The following PCDHA1 variants were observed in gnomAD, a reference collection of about 807,000 sequenced individuals.
PCDHA1 encodes the protein protocadherin alpha 1.
Under a neutral mutation model 61.3 loss-of-function variants are expected in PCDHA1, and 42 were observed. That is an observed-to-expected ratio of 0.69 (90% confidence interval 0.54 to 0.89). PCDHA1 has a LOEUF of 0.89. Among genes scored for constraint, PCDHA1 ranks in the 40% least tolerant of loss-of-function variants. PCDHA1 has a pLI of 0.00. For synonymous variants in PCDHA1, 610 were observed against 553.8 expected (o/e 1.10, Z -1.43); for missense variants, 1,256 against 1,235.3 (o/e 1.02, Z -0.25).
At chr5:140,789,714 C>G (rs6898906) in intron 1 of PCDHA1, among the ~76,000 whole-genome samples, 78,303 of 151,838 alleles carry the variant, frequency 0.52, 20,392 homozygotes, top group Middle Eastern at 0.64. Flanking sequence ...GTTCTAAAAC[C>G]CTTTACTTTT....
At chr5:140,822,680 A>C (rs2150118519) in intron 1 of PCDHA1, 2 of 1,609,870 alleles carry the variant, frequency 1.2e-6, no homozygotes, top group Non-Finnish European at 1.7e-6. Flanking sequence ...GGTGAAATAA[A>C]AGTTAACGGG....
chr5:140,916,957 T>C (rs1478651535), intron 1 of PCDHA1, among the ~76,000 whole-genome samples: 1 of 152,224 alleles, frequency 6.6e-6, no homozygotes, highest in African/African-American at 2.4e-5. Context: ...TGCTGAGTTC[T>C]GACTGCTGGG....
chr5:140,799,629 T>C (rs1447232390), intron 1 of PCDHA1, among the ~76,000 whole-genome samples: 2 of 152,090 alleles, frequency 1.3e-5, no homozygotes, highest in Non-Finnish European at 2.9e-5. Context: ...AAAAAGTTAA[T>C]TCAAAATATT....
At chr5:140,927,556 A>G (rs1428283255) in intron 1 of PCDHA1, 15 of 1,614,022 alleles carry the variant, frequency 9.3e-6, no homozygotes, top group African/African-American at 1.3e-5. Flanking sequence ...AGTCACCATC[A>G]TTGTGGTGGA....
At position 140,788,229 on chromosome 5, in the gene PCDHA1, C is replaced by T. The variant is rs150375083; in HGVS notation, c.1939C>T (p.Leu647Phe). 16 of 1,614,062 alleles carry T rather than the reference C, an allele frequency of 9.9e-6. No individual in the cohort carries two copies. The African/African-American group carries it at 2.0e-4, about 20-fold the overall frequency. Residue 647 changes from leucine to phenylalanine, a missense_variant, in exon 1 of 4, where the codon CTT becomes TTT. Transcript: ENST00000504120. Reference protein sequence around the residue: ...LDEADLSRYRLLVLVKDHGEP... With the variant: ...LDEADLSRYRFLVLVKDHGEP... ...CGAGGCTGACTTGTCGCGCTACCGC[C>T]TTCTGGTGCTAGTGAAGGATCACGG...
chr5:140,871,565 G>T, intron 1 of PCDHA1: 2 of 1,483,114 alleles, frequency 1.3e-6, no homozygotes, highest in South Asian at 2.7e-5. Context: ...TTTTTTTCAC[G>T]GATTTTTTAA....
chr5:140,830,469 A>C (rs2150186918), intron 1 of PCDHA1: 5 of 1,570,612 alleles, frequency 3.2e-6, no homozygotes, highest in Non-Finnish European at 8.7e-7. Flanking sequence ...GATTTAAATG[A>C]AGATCATGAT....
intron 1 of PCDHA1, chr5:140,865,908 T>A (rs1023181309): frequency 2.6e-5 from 4 of 152,274 alleles, no homozygotes; most frequent in African/African-American, 9.6e-5. Flanking sequence ...GGCAAATCTT[T>A]CTTTCTGTTG....
intron 1 of PCDHA1, among the ~76,000 whole-genome samples, chr5:140,902,333 T>C (rs1248113110): frequency 6.6e-6 from 1 of 151,758 alleles, no homozygotes; most frequent in Non-Finnish European, 1.5e-5. Context: ...TCACTTCGCC[T>C]GGCCTAGGAA....
Position 140,843,501 on chromosome 5 carries a change from C to T in PCDHA1, c.2394+54817C>T, listed in dbSNP as rs2150361276. The stretch of plus-strand genomic sequence containing the variant: ...ACTGCGCTGCGGTGCTCAGCACTGC[C>T]CACTGAGGGCGGGTGCCGGGCGGGC... On this transcript the variant is annotated intron_variant, in intron 1 of 3. Coordinates refer to ENST00000504120, the MANE Select transcript of PCDHA1 (RefSeq NM_018900.4). 8.1e-6 allele frequency: 13 copies of T among 1,595,862 alleles called. 1 individual carries two copies. Among genetic ancestry groups the T allele is most frequent in the East Asian group, 2.2e-5 (1 of 44,830 alleles).
At chr5:140,862,451 C>A (rs1554156361) in intron 1 of PCDHA1, 4 of 365,784 alleles carry the variant, frequency 1.1e-5, no homozygotes, top group African/African-American at 2.1e-5. Flanking sequence ...TCCACAGCGC[C>A]CTGGACCAAG....
chr5:140,975,527 A>G (rs782267941), intron 1 of PCDHA1, among the ~76,000 whole-genome samples: 2 of 152,220 alleles, frequency 1.3e-5, no homozygotes, highest in Non-Finnish European at 2.9e-5. Context: ...CAGTGGATAT[A>G]TTCTTAATAC....
chr5:140,910,661 A>G (rs1289499574), intron 1 of PCDHA1, among the ~76,000 whole-genome samples: 1 of 152,186 alleles, frequency 6.6e-6, no homozygotes, highest in Non-Finnish European at 1.5e-5. Context: ...CTTCCTCTAC[A>G]TTAAACCAAG....
chr5:140,846,727 C>T (rs2150394030), intron 1 of PCDHA1, among the ~76,000 whole-genome samples: 16 of 149,262 alleles, frequency 1.1e-4, no homozygotes, highest in Non-Finnish European at 1.2e-4. Context: ...CTTCATTAAA[C>T]ATTAAATAGG....
chr5:140,927,688 G>T (rs2084510856), intron 1 of PCDHA1: 1 of 1,613,944 alleles, frequency 6.2e-7, no homozygotes, highest in African/African-American at 1.3e-5. Flanking sequence ...AGGGTCCAAT[G>T]GGGAAGTCCA....
At chr5:141,004,054 G>A (rs2098150015) in intron 3 of PCDHA1, among the ~76,000 whole-genome samples, 1 of 152,216 alleles carries the variant, frequency 6.6e-6, no homozygotes, top group Admixed American at 6.5e-5. Flanking sequence ...TGCTGATACT[G>A]GCCCCTGGTT....
At position 140,909,867 on chromosome 5, in the gene PCDHA1, C is replaced by T. The variant is rs544055697; in HGVS notation, c.2395-69082C>T. Among the ~76,000 whole-genome samples the T allele has an allele frequency of 2.8e-4, 43 of 152,282 alleles. 1 individual carries two copies. The highest frequency in any genetic ancestry group is 4.9e-4 in the Non-Finnish European group (33 of 68,020). On this transcript the variant is annotated intron_variant, in intron 1 of 3. Coordinates refer to ENST00000504120, the MANE Select transcript of PCDHA1 (RefSeq NM_018900.4). ...GACGTTTTCGGTCCCCTGGAGTCAA[C>T]GTCAGCTTAGAGACACTGTTCAGTA...
intron 1 of PCDHA1, chr5:140,841,303 T>C (rs2150313013): frequency 6.4e-7 from 1 of 1,572,476 alleles, no homozygotes; most frequent in South Asian, 1.2e-5. Flanking sequence ...TATTTTCTGA[T>C]AGGAAACGAC....
intron 1 of PCDHA1, chr5:140,863,342 T>G: frequency 7.5e-7 from 1 of 1,338,916 alleles, no homozygotes; most frequent in Non-Finnish European, 1.0e-6. Flanking sequence ...ACGTTGCTGC[T>G]GTACACGACG....
Sources: gnomAD v4.1 joint callset for allele counts (sites outside exome capture counted in the v4.1 genomes callset) on GRCh38, gnomAD v4.1.1 for gene constraint, MANE v1.5 for transcripts, NCBI Gene and HGNC (gene_info 2026-07-23, HGNC 2026-07-21) for gene names.